KCNK9: variants seen among roughly 807,000 people sequenced by gnomAD.
The protein encoded by KCNK9 is potassium channel subfamily K member 9.
KCNK9 carries 1 observed loss-of-function variant against 10.8 expected under a neutral mutation model. The observed-to-expected ratio is 0.09, with a 90% CI of 0.03 to 0.44. The LOEUF (loss-of-function observed/expected upper bound fraction) is 0.44, where lower values mean the gene tolerates loss of function less well. Ranked by LOEUF, KCNK9 falls within the 20% of genes least tolerant of loss-of-function variation. KCNK9 has a pLI of 0.97. For missense variants in KCNK9, 303 were observed against 515.0 expected (o/e 0.59, Z 3.98); for synonymous variants, 231 against 222.7 (o/e 1.04, Z -0.33).
chr8:139,622,637 G>A (rs1478130384), intron 1 of KCNK9, among the ~76,000 whole-genome samples: 1 of 152,186 alleles, frequency 6.6e-6, no homozygotes, highest in Non-Finnish European at 1.5e-5. Flanking sequence ...CTACGTGTTC[G>A]AGAAGAATTT....
Position 139,618,873 on chromosome 8 carries a change from C to G in KCNK9, c.510G>C (p.Thr170=), listed in dbSNP as rs780709164. 21 of 1,614,194 alleles carry G rather than the reference C, an allele frequency of 1.3e-5. No homozygotes were observed. In the East Asian group the frequency reaches 4.5e-4, roughly 34 times the overall value. Reference sequence around the variant, plus strand: ...AGAAGGCGGCCGCCCCGATGCACAGCGTCCCCATGCAGGAGAAGAAGCCCA... The same window carrying G: ...AGAAGGCGGCCGCCCCGATGCACAGGGTCCCCATGCAGGAGAAGAAGCCCA... ...VTVGFFSCMG[T]LCIGAAAFSQ... The change falls in exon 2 of 2, where the codon ACG becomes ACC. Residue 170 remains threonine (T), a synonymous_variant. Coordinates refer to ENST00000520439, the MANE Select transcript of KCNK9 (RefSeq NM_001282534.2). This position sits in a 1 kb window ranked among gnomAD's most constrained non-coding sequence, Gnocchi z 7.9.
intron 1 of KCNK9, among the ~76,000 whole-genome samples, chr8:139,667,192 CT>C (rs1160267232): frequency 3.9e-5 from 6 of 152,348 alleles, no homozygotes; most frequent in African/African-American, 1.4e-4. Flanking sequence ...ATTCCCCCAC[CT>C]ATCAGACCAG....
chr8:139,643,885 C>A (rs1174369960), intron 1 of KCNK9, among the ~76,000 whole-genome samples: 2 of 152,222 alleles, frequency 1.3e-5, no homozygotes, highest in Non-Finnish European at 2.9e-5. Context: ...TTCCTCTGCA[C>A]CATGGAAGGG....
intron 1 of KCNK9, among the ~76,000 whole-genome samples, chr8:139,667,849 C>T (rs1349131931): frequency 1.3e-5 from 2 of 151,784 alleles, no homozygotes; most frequent in African/African-American, 4.8e-5. Flanking sequence ...CCACTGCACT[C>T]CAGCCTGGGC....
At chr8:139,653,064 C>T (rs940418764) in intron 1 of KCNK9, among the ~76,000 whole-genome samples, 1 of 152,194 alleles carries the variant, frequency 6.6e-6, no homozygotes, top group African/African-American at 2.4e-5. Context: ...CCCCAGCACT[C>T]CTCAAATGCT....
At chr8:139,644,724 C>CAA (rs879693608) in intron 1 of KCNK9, among the ~76,000 whole-genome samples, 1 of 150,478 alleles carries the variant, frequency 6.6e-6, no homozygotes, top group African/African-American at 2.5e-5. Flanking sequence ...GTCCCCCCCC[C>CAA]CCAGAGCCTC....
In KCNK9 at chr8:139,660,559, T is replaced by G. The variant is rs572825762; in HGVS notation, c.284-41460A>C. 8.6e-5 allele frequency among the ~76,000 whole-genome samples: 13 copies of G among 151,630 alleles called. No homozygotes were observed. In the South Asian group the frequency reaches 2.7e-3, roughly 32 times the overall value. ...TCACTTGAATCCAGGAGGCAGAGGT[T>G]GCAGTGAGCCAAGATTGCACCACTG... On this transcript the variant is annotated intron_variant, in intron 1 of 1. Transcript: ENST00000520439.
intron 1 of KCNK9, among the ~76,000 whole-genome samples, chr8:139,670,430 T>A (rs1266568223): frequency 6.6e-6 from 1 of 151,644 alleles, no homozygotes; most frequent in Non-Finnish European, 1.5e-5. Context: ...AAAATAAAAA[T>A]AAAAAAAGCA....
chr8:139,699,268 C>T (rs908995381), intron 1 of KCNK9, among the ~76,000 whole-genome samples: 2 of 152,122 alleles, frequency 1.3e-5, no homozygotes, highest in African/African-American at 2.4e-5. Context: ...GGCTAAAGCG[C>T]CTGCTGAAGG....
chr8:139,691,726 A>G (rs1195947425), intron 1 of KCNK9, among the ~76,000 whole-genome samples: 1 of 152,238 alleles, frequency 6.6e-6, no homozygotes, highest in East Asian at 1.9e-4. Context: ...TGGAAACTCA[A>G]GGTAATGTGT....
At position 139,689,643 on chromosome 8, in the gene KCNK9, ATT is replaced by A. The variant is rs35831003; in HGVS notation, c.283+13065_283+13066del. Among the ~76,000 whole-genome samples the A allele has an allele frequency of 4.9e-3, 662 of 134,074 alleles. 4 individuals carry two copies. Among genetic ancestry groups the A allele is most frequent in the East Asian group, 0.02 (87 of 4,378 alleles). The allele number at this position is 134,074 out of a possible 152,430, so 88.0% of individuals were successfully genotyped here. On this transcript the variant is annotated intron_variant, in intron 1 of 1. Coordinates refer to ENST00000520439, the MANE Select transcript of KCNK9 (RefSeq NM_001282534.2). ...GCTGCTCTCCTGTGCCTTTGCCATC[ATT>A]TTTTTTTTTTTTTTTGAGACGGAGT...
intron 1 of KCNK9, among the ~76,000 whole-genome samples, chr8:139,666,067 G>C (rs976752526): frequency 2.0e-5 from 3 of 152,226 alleles, no homozygotes; most frequent in African/African-American, 7.2e-5. Context: ...AAGAACTTGG[G>C]TCCCATCTGG....
chr8:139,624,077 C>A lies in KCNK9; in HGVS notation c.284-4978G>T, dbSNP rs73358020. Among the ~76,000 whole-genome samples the A allele has an allele frequency of 8.4e-3, 1,276 of 152,312 alleles. 17 individuals are homozygous for A. Among genetic ancestry groups the A allele is most frequent in the African/African-American group, 0.029 (1,201 of 41,552 alleles). ...CAACAGCAGGGCCCTAAGCCAGAGCCCCACCAACTGAGGAATGCAAAGACC... is the reference window on the plus strand; with the variant it reads ...CAACAGCAGGGCCCTAAGCCAGAGCACCACCAACTGAGGAATGCAAAGACC... On this transcript the variant is annotated intron_variant, in intron 1 of 1. Coordinates refer to ENST00000520439, the MANE Select transcript of KCNK9 (RefSeq NM_001282534.2).
intron 2 of KCNK9, among the ~76,000 whole-genome samples, chr8:139,605,787 A>C (rs1738526840): frequency 6.6e-6 from 1 of 152,232 alleles, no homozygotes; most frequent in Non-Finnish European, 1.5e-5. Flanking sequence ...CCCTTGTGTA[A>C]GTTACATATT....
chr8:139,670,819 G>A (rs983097033), intron 1 of KCNK9, among the ~76,000 whole-genome samples: 2 of 152,236 alleles, frequency 1.3e-5, no homozygotes, highest in South Asian at 2.1e-4. Context: ...GTTTTTTAAC[G>A]TTAAAAACAA....
intron 1 of KCNK9, among the ~76,000 whole-genome samples, chr8:139,633,971 C>T (rs910797031): frequency 1.3e-5 from 2 of 152,258 alleles, no homozygotes; most frequent in African/African-American, 4.8e-5. Context: ...CAAGCATCCA[C>T]TTATTGTTTC....
chr8:139,605,755 C>T lies in KCNK9; in HGVS notation c.*1-4154G>A, dbSNP rs142984597. On this transcript the variant is annotated intron_variant, in intron 2 of 2. Coordinates refer to the KCNK9 transcript ENST00000650269. ...TATATACAGGGCTGCGTACCGCACT[C>T]GTTACAAAAGAAAGATGCAAACCCT... Among the ~76,000 whole-genome samples the T allele has an allele frequency of 1.2e-4, 18 of 152,324 alleles. No homozygotes were observed. The East Asian group carries it at 2.3e-3, about 20-fold the overall frequency.
At chr8:139,627,335 C>T (rs916755205) in intron 1 of KCNK9, among the ~76,000 whole-genome samples, 1 of 152,184 alleles carries the variant, frequency 6.6e-6, no homozygotes, top group Admixed American at 6.5e-5. Flanking sequence ...GCTTGGTCTC[C>T]TGTTCAATCC....
intron 1 of KCNK9, among the ~76,000 whole-genome samples, chr8:139,697,222 G>A (rs1817081896): frequency 6.7e-6 from 1 of 148,548 alleles, no homozygotes; most frequent in Admixed American, 6.7e-5. Context: ...TGGGTGTATG[G>A]ATGGGTGAGT....
Sources: gnomAD v4.1 joint callset for allele counts (sites outside exome capture counted in the v4.1 genomes callset) on GRCh38, gnomAD v4.1.1 for gene constraint, Gnocchi (gnomAD v3.1) non-coding constraint, MANE v1.5 for transcripts, NCBI Gene and HGNC (gene_info 2026-07-23, HGNC 2026-07-21) for gene names.